Variants in CWC27 observed in about 807,000 individuals in gnomAD.
CWC27 encodes the protein CWC27 spliceosome associated cyclophilin, also known as spliceosome-associated protein CWC27 homolog.
A neutral mutation model predicts 63.6 loss-of-function variants in CWC27; 47 were observed. That is an observed-to-expected ratio of 0.74 (90% CI 0.58 to 0.94). CWC27 has a LOEUF of 0.94. CWC27 is among the 40% of genes least tolerant of loss of function. The pLI, the probability that CWC27 is intolerant of heterozygous loss-of-function variation, is 0.00. For missense variants in CWC27, 495 were observed against 554.3 expected, an observed-to-expected ratio of 0.89 and a Z score of 1.07; for synonymous variants, 175 against 179.8, an observed-to-expected ratio of 0.97 and a Z score of 0.22.
At chr5:64,925,018 T>C (rs1748079391) in intron 11 of CWC27, among the ~76,000 whole-genome samples, 2 of 151,724 alleles carry the variant, frequency 1.3e-5, no homozygotes, top group African/African-American at 4.9e-5. Flanking sequence ...AAATGTGTAG[T>C]TAGCAACATG....
At chr5:64,936,759 T>C (rs539930751) in intron 11 of CWC27, among the ~76,000 whole-genome samples, 1 of 152,314 alleles carries the variant, frequency 6.6e-6, no homozygotes, top group East Asian at 1.9e-4. Flanking sequence ...CGCTATTAAT[T>C]ACTGCCTTAA....
At chr5:64,990,251 G>GTTTTTTTTTTTTTTGTTTT (rs1749511042) in intron 13 of CWC27, among the ~76,000 whole-genome samples, 1 of 26,990 alleles carries the variant, frequency 3.7e-5, no homozygotes, top group East Asian at 7.7e-4. Flanking sequence ...TTTTTTTTTT[G>GTTTTTTTTTTTTTTGTTTT]TTTTTTTTTT....
chr5:64,968,515 A>C (rs1249409458), intron 11 of CWC27, among the ~76,000 whole-genome samples: 1 of 152,202 alleles, frequency 6.6e-6, no homozygotes, highest in African/African-American at 2.4e-5. Flanking sequence ...TATCCATGCT[A>C]TGAAATACTA....
At chr5:64,982,615 T>A (rs1216347266) in intron 13 of CWC27, among the ~76,000 whole-genome samples, 1 of 152,082 alleles carries the variant, frequency 6.6e-6, no homozygotes, top group Non-Finnish European at 1.5e-5. Context: ...ATTTTCCCCT[T>A]CATTCCAACA....
chr5:64,789,543 A>G (rs1340849654), intron 7 of CWC27, among the ~76,000 whole-genome samples: 2 of 152,136 alleles, frequency 1.3e-5, no homozygotes, highest in Non-Finnish European at 1.5e-5. Context: ...ACAGATGGGA[A>G]CTGAACGCAG....
Position 64,769,237 on chromosome 5 carries a change from G to A in CWC27, c.42+49G>A, listed in dbSNP as rs373204384. On this transcript the variant is annotated intron_variant, in intron 1 of 13. Coordinates refer to ENST00000381070, the MANE Select transcript of CWC27 (RefSeq NM_005869.4). Reference sequence around the variant, plus strand: ...TGGGGTCCTGGGATCCCCAAAGTGAGATTTCCCGGATTTGGGGTGGGGAGT... The same window carrying A: ...TGGGGTCCTGGGATCCCCAAAGTGAAATTTCCCGGATTTGGGGTGGGGAGT... The A allele has an allele frequency of 3.8e-6, 6 of 1,561,830 alleles. No homozygotes were observed. The East Asian group carries it at 1.1e-4, about 29-fold the overall frequency.
At chr5:64,773,527 G>C (rs1333601673) in intron 1 of CWC27, among the ~76,000 whole-genome samples, 1 of 103,646 alleles carries the variant, frequency 9.6e-6, no homozygotes. Context: ...ACTTAGCATT[G>C]ATGATACTGA....
chr5:64,959,915 G>A (rs1748874880), intron 11 of CWC27, among the ~76,000 whole-genome samples: 1 of 152,192 alleles, frequency 6.6e-6, no homozygotes. Context: ...TATAAACAAA[G>A]AAGCAGTTAT....
chr5:64,822,869 A>T (rs184627508), intron 10 of CWC27, among the ~76,000 whole-genome samples: 197 of 152,344 alleles, frequency 1.3e-3, no homozygotes, highest in Non-Finnish European at 2.4e-3. Context: ...TACAATTTGA[A>T]AATGAATATC....
chr5:64,800,148 C>T, intron 7 of CWC27, 100 bp from the exon 8 acceptor site: 2 of 710,262 alleles, frequency 2.8e-6, no homozygotes, highest in African/African-American at 1.8e-5. Flanking sequence ...TTTTGCTAAC[C>T]ATATTATATC....
At chr5:64,971,659 A>G in intron 11 of CWC27, 44 bp from the exon 12 acceptor site, 1 of 1,418,076 alleles carries the variant, frequency 7.1e-7, no homozygotes, top group Middle Eastern at 1.8e-4. Flanking sequence ...GAATCCACAG[A>G]GCTATTTTAC....
At chr5:64,948,434 T>G (rs1483816474) in intron 11 of CWC27, among the ~76,000 whole-genome samples, 6 of 152,098 alleles carry the variant, frequency 3.9e-5, no homozygotes, top group Middle Eastern at 3.4e-3. Flanking sequence ...ATCTAGTAGA[T>G]GTACTAACCG....
intron 10 of CWC27, among the ~76,000 whole-genome samples, chr5:64,820,893 G>T (rs530500462): frequency 6.6e-6 from 1 of 151,850 alleles, no homozygotes; most frequent in South Asian, 2.1e-4. Context: ...AGCATGATCT[G>T]TGGACAAAAA....
At chr5:65,017,759 T>C (rs533359802) in intron 13 of CWC27, among the ~76,000 whole-genome samples, 1 of 152,360 alleles carries the variant, frequency 6.6e-6, no homozygotes, top group African/African-American at 2.4e-5. Context: ...CAGATAGGGC[T>C]GGCTTATTGT....
At chr5:64,836,127 G>C (rs1285172066) in intron 10 of CWC27, among the ~76,000 whole-genome samples, 1 of 151,870 alleles carries the variant, frequency 6.6e-6, no homozygotes, top group Non-Finnish European at 1.5e-5. Context: ...ACTCAGATGA[G>C]AGTATATTCT....
intron 13 of CWC27, among the ~76,000 whole-genome samples, chr5:64,988,425 TG>T (rs1327205563): frequency 1.3e-5 from 2 of 152,168 alleles, no homozygotes; most frequent in Non-Finnish European, 2.9e-5. Flanking sequence ...TTAAATCCTA[TG>T]AAAAATGTTA....
chr5:64,902,668 C>A (rs1747535301), intron 11 of CWC27, among the ~76,000 whole-genome samples: 1 of 152,160 alleles, frequency 6.6e-6, no homozygotes, highest in Non-Finnish European at 1.5e-5. Flanking sequence ...AGTCCTCCCA[C>A]ATTTTTCAAA....
intron 13 of CWC27, among the ~76,000 whole-genome samples, chr5:64,988,078 TTC>T (rs1749469019): frequency 6.6e-6 from 1 of 152,246 alleles, no homozygotes; most frequent in Non-Finnish European, 1.5e-5. Flanking sequence ...ACCTTTGGTG[TTC>T]TCTGTCACCT....
At chr5:64,926,285 CCTTA>C (rs1264155338) in intron 11 of CWC27, among the ~76,000 whole-genome samples, 1 of 151,274 alleles carries the variant, frequency 6.6e-6, no homozygotes, top group Non-Finnish European at 1.5e-5. Context: ...AAAATTTTAA[CCTTA>C]CTTTAATAAG....
Sources: allele counts gnomAD v4.1 joint callset (sites outside exome capture counted in the v4.1 genomes callset), GRCh38; gene constraint gnomAD v4.1.1; transcripts MANE v1.5; gene names NCBI Gene and HGNC (gene_info 2026-07-23, HGNC 2026-07-21).